PUDP: variants seen among roughly 807,000 people sequenced by gnomAD.
The protein encoded by PUDP is pseudouridine 5'-phosphatase, also known as pseudouridine-5'-phosphatase.
A neutral mutation model predicts 9.4 loss-of-function variants in PUDP; 8 were observed. That is an observed-to-expected ratio of 0.85 (90% confidence interval 0.50 to 1.53). The LOEUF (loss-of-function observed/expected upper bound fraction) is 1.53. Among genes scored for constraint, PUDP ranks in the 40% most tolerant of loss-of-function variants. The pLI is 0.00. For missense variants in PUDP, 188 were observed against 189.7 expected, an observed-to-expected ratio of 0.99 and a Z score of 0.05; for synonymous variants, 99 against 80.7, an observed-to-expected ratio of 1.23 and a Z score of -1.22.
intron 3 of PUDP, among the ~76,000 whole-genome samples, chrX:6,965,172 C>T (rs765087045): frequency 1.8e-5 from 2 of 111,932 alleles, no homozygotes; most frequent in Non-Finnish European, 3.8e-5. Context: ...AAGTGCTCTT[C>T]CATGAGAGCA....
intron 3 of PUDP, among the ~76,000 whole-genome samples, chrX:6,736,816 C>CA (rs904460889): frequency 1.0e-4 from 11 of 110,105 alleles, no homozygotes; most frequent in Middle Eastern, 4.6e-3. Flanking sequence ...CAGATAGACA[C>CA]AAAAAAAAGG....
intron 3 of PUDP, among the ~76,000 whole-genome samples, chrX:6,906,069 C>T (rs556437999): frequency 8.9e-6 from 1 of 111,971 alleles, no homozygotes; most frequent in Admixed American, 9.5e-5. Context: ...ATCTTCCATG[C>T]GGCCCTATGC....
chrX:6,991,094 T>C (rs771567084), intron 1 of PUDP, among the ~76,000 whole-genome samples: 35 of 111,725 alleles, frequency 3.1e-4, no homozygotes, highest in Admixed American at 7.6e-4. Context: ...TTTTTGACAT[T>C]ATGGTTTTGC....
chrX:6,743,184 C>T (rs1924959868), intron 3 of PUDP, among the ~76,000 whole-genome samples: 2 of 112,225 alleles, frequency 1.8e-5, no homozygotes, highest in African/African-American at 6.5e-5. Flanking sequence ...GCCTGCTTTG[C>T]TCTGTTCTTA....
At chrX:6,999,432 A>G (rs1252181664) in intron 1 of PUDP, among the ~76,000 whole-genome samples, 1 of 112,272 alleles carries the variant, frequency 8.9e-6, no homozygotes, top group Non-Finnish European at 1.9e-5. Context: ...TAGTATCACA[A>G]CATTGCAGCC....
chrX:6,968,997 C>T (rs915001219), intron 3 of PUDP, among the ~76,000 whole-genome samples: 1 of 112,149 alleles, frequency 8.9e-6, no homozygotes, highest in African/African-American at 3.2e-5. Flanking sequence ...TGTTGGTCAA[C>T]GTTGTTCAGT....
At chrX:6,835,873 C>CT (rs11422118) in intron 3 of PUDP, among the ~76,000 whole-genome samples, 9,174 of 100,517 alleles carry the variant, frequency 0.091, 429 homozygotes, top group African/African-American at 0.16. Flanking sequence ...CTGCCACTGG[C>CT]TTTTTTTTTT....
At chrX:7,033,130 C>T (rs1414777717) in intron 1 of PUDP, among the ~76,000 whole-genome samples, 1 of 111,718 alleles carries the variant, frequency 9.0e-6, no homozygotes, top group East Asian at 2.8e-4. Context: ...CTGGATGCTT[C>T]CTGCCCTCAA....
chrX:6,863,212 G>T (rs935671806), intron 3 of PUDP, among the ~76,000 whole-genome samples: 7 of 111,705 alleles, frequency 6.3e-5, no homozygotes, highest in South Asian at 7.6e-4. Context: ...ACAGTGCCTG[G>T]CTATATGTCT....
At chrX:7,091,633 G>A (rs770068149) in intron 2 of PUDP, among the ~76,000 whole-genome samples, 8 of 111,522 alleles carry the variant, frequency 7.2e-5, no homozygotes, top group Admixed American at 6.7e-4. Context: ...GAGCCACCGC[G>A]CCCGGCCTTA....
intron 3 of PUDP, among the ~76,000 whole-genome samples, chrX:6,957,157 G>T (rs772161892): frequency 3.6e-5 from 4 of 111,708 alleles, no homozygotes; most frequent in Non-Finnish European, 7.5e-5. Context: ...GAGCCCAGGG[G>T]AGGAGTTGAA....
chrX:7,000,018 G>T (rs1160749815), intron 1 of PUDP, among the ~76,000 whole-genome samples: 1 of 109,624 alleles, frequency 9.1e-6, no homozygotes, highest in African/African-American at 3.3e-5. Flanking sequence ...AGGGAGCTAG[G>T]GAAGGAACAA....
rs747592355 is a variant in PUDP at position 6,890,482 on chromosome X, G to C, written c.*247+86651C>G. Among the ~76,000 whole-genome samples, 8 of 111,990 alleles carry C rather than the reference G, an allele frequency of 7.1e-5. No homozygotes were observed. The South Asian group carries it at 1.5e-3, about 21-fold the overall frequency. The stretch of plus-strand genomic sequence containing the variant: ...AAAATTCTAGTCACCTGATGCATAG[G>C]TTCCCAGCTGAGGTTGAATAAGGAG... On this transcript the variant is annotated intron_variant and NMD_transcript_variant, in intron 3 of 3. Coordinates refer to the PUDP transcript ENST00000655425.
At chrX:7,101,677 A>G (rs1931740054) in intron 2 of PUDP, among the ~76,000 whole-genome samples, 2 of 112,153 alleles carry the variant, frequency 1.8e-5, no homozygotes, top group African/African-American at 6.5e-5. Context: ...TGGAAGAAAT[A>G]AGACACGTGC....
chrX:7,123,808 A>C (rs1236889921), intron 1 of PUDP, among the ~76,000 whole-genome samples: 1 of 112,192 alleles, frequency 8.9e-6, no homozygotes, highest in Non-Finnish European at 1.9e-5. Flanking sequence ...TAATGGAAAC[A>C]TTTTATAGTG....
chrX:6,915,682 C>T (rs751297162), intron 3 of PUDP, among the ~76,000 whole-genome samples: 14 of 111,428 alleles, frequency 1.3e-4, no homozygotes, highest in African/African-American at 4.6e-4. Flanking sequence ...TTTTGTTTAC[C>T]CTACCTAAAA....
chrX:6,758,916 T>C (rs1925199607), intron 3 of PUDP, among the ~76,000 whole-genome samples: 1 of 111,955 alleles, frequency 8.9e-6, no homozygotes, highest in South Asian at 3.7e-4. Context: ...AGGCTATGAT[T>C]ACTGGCCAAG....
chrX:6,733,513 ACAT>A (rs1185864482), intron 3 of PUDP, among the ~76,000 whole-genome samples: 1 of 111,304 alleles, frequency 9.0e-6, no homozygotes, highest in Non-Finnish European at 1.9e-5. Context: ...TCAAGGGCTG[ACAT>A]CATCAGATGA....
At chrX:7,005,414 T>A (rs955339138) in intron 1 of PUDP, among the ~76,000 whole-genome samples, 3 of 109,222 alleles carry the variant, frequency 2.7e-5, no homozygotes, top group Admixed American at 9.8e-5. Flanking sequence ...ATTATTATTA[T>A]TATTATTATT....
Sources: gnomAD v4.1 joint callset for allele counts (sites outside exome capture counted in the v4.1 genomes callset) on GRCh38, gnomAD v4.1.1 for gene constraint, MANE v1.5 for transcripts, NCBI Gene and HGNC (gene_info 2026-07-23, HGNC 2026-07-21) for gene names.